The following GAK variants were observed in gnomAD, a reference collection of about 807,000 sequenced individuals.
GAK encodes cyclin G associated kinase.
A neutral mutation model predicts 143.9 loss-of-function variants in GAK; 79 were observed. The ratio of observed to expected loss-of-function variants is 0.55; its 90% CI spans 0.46 to 0.66. The LOEUF (loss-of-function observed/expected upper bound fraction) is 0.66, where lower values mean the gene tolerates loss of function less well. Ranked by LOEUF, GAK falls within the 30% of genes least tolerant of loss-of-function variation. GAK has a pLI of 0.00. For synonymous variants in GAK, 881 were observed against 765.5 expected (o/e 1.15, Z -2.49); for missense variants, 1,693 against 1,779.7 (o/e 0.95, Z 0.88).
intron 5 of GAK, among the ~76,000 whole-genome samples, chr4:901,417 C>A (rs562780724): frequency 5.9e-5 from 9 of 152,314 alleles, no homozygotes. Context: ...TTGGATCCCC[C>A]ACCTAGGGCA....
intron 15 of GAK, among the ~76,000 whole-genome samples, chr4:881,456 G>A (rs1715084583): frequency 1.3e-5 from 2 of 152,150 alleles, no homozygotes; most frequent in African/African-American, 4.8e-5. Context: ...TCCTCCACAC[G>A]GCCAGGGAGA....
intron 24 of GAK, among the ~76,000 whole-genome samples, chr4:857,529 T>G (rs1170164224): frequency 6.6e-6 from 1 of 152,214 alleles, no homozygotes; most frequent in East Asian, 1.9e-4. Flanking sequence ...ATTGGGTAAG[T>G]TGTGGCAGGA....
In GAK at chr4:850,094, G is replaced by C. The variant is rs200534785; in HGVS notation, c.3658-26C>G. 47 of 1,540,182 alleles carry C rather than the reference G, an allele frequency of 3.1e-5. No individual in the cohort carries two copies. The East Asian group carries it at 1.1e-3, about 37-fold the overall frequency. On this transcript the variant is annotated intron_variant, in intron 26 of 27. Transcript: ENST00000314167. ...CTGCGGGAGACACGGAGCTTGCCGA[G>C]CCCTGGGCACCTGCCTGCCCTCCTC...
intron 23 of GAK, among the ~76,000 whole-genome samples, chr4:863,328 T>A (rs1225157223): frequency 6.6e-6 from 1 of 152,198 alleles, no homozygotes; most frequent in Non-Finnish European, 1.5e-5. Flanking sequence ...GCAAAGAAAG[T>A]AGTTTACTGA....
At chr4:876,450 T>G in intron 18 of GAK, 80 bp downstream of exon 18, 1 of 1,260,304 alleles carries the variant, frequency 7.9e-7, no homozygotes, top group East Asian at 2.3e-5. Context: ...CCCCTGGGGC[T>G]CCCACGACCG....
At chr4:866,890 G>A in intron 21 of GAK, 66 bp downstream of exon 21, 1 of 1,215,278 alleles carries the variant, frequency 8.2e-7, no homozygotes, top group Non-Finnish European at 1.1e-6. Context: ...CCCATGCAGT[G>A]AGAATGACTC....
intron 10 of GAK, among the ~76,000 whole-genome samples, chr4:890,178 T>C (rs1205904933): frequency 6.6e-6 from 1 of 152,192 alleles, no homozygotes; most frequent in East Asian, 1.9e-4. Context: ...TGATCTATGC[T>C]GGGGTCTTGG....
intron 2 of GAK, among the ~76,000 whole-genome samples, chr4:913,392 G>C (rs1722381330): frequency 6.6e-6 from 1 of 152,172 alleles, no homozygotes; most frequent in African/African-American, 2.4e-5. Flanking sequence ...CCACAGGGCA[G>C]GCAGGGCCAC....
intron 24 of GAK, among the ~76,000 whole-genome samples, chr4:854,541 G>A (rs562843642): frequency 6.6e-6 from 1 of 152,310 alleles, no homozygotes; most frequent in South Asian, 2.1e-4. Context: ...TTAGGGCTTT[G>A]CCTACCGCTG....
chr4:868,008 C>T (rs868065265), intron 20 of GAK, among the ~76,000 whole-genome samples: 31 of 152,344 alleles, frequency 2.0e-4, no homozygotes, highest in African/African-American at 4.6e-4. Context: ...TGGGAACAGG[C>T]GGCAGAAGGG....
chr4:890,825 G>A (rs574014284), intron 9 of GAK, among the ~76,000 whole-genome samples: 4 of 152,304 alleles, frequency 2.6e-5, no homozygotes, highest in South Asian at 2.1e-4. Flanking sequence ...CCCTCACCCC[G>A]CGGCCTGCCT....
chr4:857,606 C>T (rs1024682937), intron 24 of GAK, among the ~76,000 whole-genome samples: 5 of 152,242 alleles, frequency 3.3e-5, no homozygotes, highest in African/African-American at 4.8e-5. Context: ...GCGCCTGCAC[C>T]CGTGACCCTC....
chr4:856,983 C>T (rs1328416202), intron 24 of GAK, among the ~76,000 whole-genome samples: 1 of 152,180 alleles, frequency 6.6e-6, no homozygotes, highest in Non-Finnish European at 1.5e-5. Flanking sequence ...TTGTTAAATG[C>T]CTTTTCTGCC....
intron 11 of GAK, chr4:888,521 T>G (rs1577179257): frequency 1.0e-5 from 3 of 296,334 alleles, no homozygotes; most frequent in Non-Finnish European, 1.9e-5. Flanking sequence ...ACCACCGAGG[T>G]TTCACCCAAT....
In GAK at chr4:850,048, GC is replaced by G; in HGVS notation, c.3677del (p.Gly1226AlafsTer38). The G allele has an allele frequency of 6.3e-7, 1 of 1,591,936 alleles. No individual in the cohort carries two copies. Among genetic ancestry groups the G allele is most frequent in the Non-Finnish European group, 8.6e-7 (1 of 1,165,714 alleles). ...GCAGGGCCCGGATGTTCCGCTCCTT[GC>G]CCTCAATCCAGTCCAGGAGCTGCGG... ...LKLKLLDWIEGKERNIRALLS... is the reference protein window; with the variant it reads ...LKLKLLDWIEXKERNIRALLS... On this transcript the variant is annotated frameshift_variant, in exon 27 of 28. Coordinates refer to ENST00000314167, the MANE Select transcript of GAK (RefSeq NM_005255.4). LOFTEE classifies it high-confidence loss of function.
intron 1 of GAK, among the ~76,000 whole-genome samples, chr4:920,338 A>C (rs1373284560): frequency 1.3e-5 from 2 of 151,768 alleles, no homozygotes; most frequent in African/African-American, 4.8e-5. Context: ...CCAACAACAA[A>C]AAAACACAGC....
In GAK at chr4:898,966, G is replaced by A. The variant is rs368044091; in HGVS notation, c.526-808C>T. 2.0e-3 allele frequency among the ~76,000 whole-genome samples: 307 copies of A among 152,348 alleles called. 12 individuals carry two copies. In the South Asian group the frequency reaches 0.059, roughly 29 times the overall value. The stretch of plus-strand genomic sequence containing the variant: ...GCAGCTCTGATAACAGGGCATGGGA[G>A]CTCGGGCCAAACAGGGAATCCAGCG... On this transcript the variant is annotated intron_variant, in intron 5 of 27. Transcript: ENST00000314167.
chr4:889,193 C>G (rs887885548), intron 10 of GAK, among the ~76,000 whole-genome samples: 2 of 152,180 alleles, frequency 1.3e-5, no homozygotes, highest in Non-Finnish European at 2.9e-5. Context: ...GAAGCCAGGC[C>G]TCAGCACTGG....
intron 19 of GAK, chr4:868,946 G>C: frequency 4.1e-6 from 2 of 487,336 alleles, no homozygotes; most frequent in South Asian, 4.7e-5. Flanking sequence ...CCACCACTGA[G>C]GCATCAAACG....
Sources: gnomAD v4.1 joint callset for allele counts (sites outside exome capture counted in the v4.1 genomes callset) on GRCh38, gnomAD v4.1.1 for gene constraint, MANE v1.5 for transcripts, NCBI Gene and HGNC (gene_info 2026-07-23, HGNC 2026-07-21) for gene names.